PTPRM: variants seen among roughly 807,000 people sequenced by gnomAD.
The protein encoded by PTPRM is receptor-type tyrosine-protein phosphatase mu.
PTPRM carries 47 observed loss-of-function variants against 186.7 expected under a neutral mutation model. That is an observed-to-expected ratio of 0.25 (90% confidence interval 0.20 to 0.32). The LOEUF is 0.32. Among genes scored for constraint, PTPRM ranks in the 10% least tolerant of loss-of-function variants. The pLI, the probability that PTPRM is intolerant of heterozygous loss-of-function variation, is 1.00. For missense variants in PTPRM, 1,494 were observed against 1,865.0 expected (o/e 0.80, Z 3.66); for synonymous variants, 668 against 674.9 (o/e 0.99, Z 0.16).
chr18:7,888,008 G>C, intron 2 of PTPRM, 98 bp from the exon 3 acceptor site: 3 of 1,412,932 alleles, frequency 2.1e-6, no homozygotes, highest in Non-Finnish European at 3.0e-6. Context: ...GTAAGACATG[G>C]AATTGCAGTG....
At chr18:7,966,140 C>T (rs2054032290) in intron 7 of PTPRM, among the ~76,000 whole-genome samples, 1 of 151,946 alleles carries the variant, frequency 6.6e-6, no homozygotes, top group Non-Finnish European at 1.5e-5. Flanking sequence ...GAATAAACTG[C>T]AAGTGAATAG....
At chr18:7,736,945 C>A (rs993438169) in intron 1 of PTPRM, among the ~76,000 whole-genome samples, 5 of 152,042 alleles carry the variant, frequency 3.3e-5, no homozygotes, top group African/African-American at 1.2e-4. Flanking sequence ...TTCAGGATTA[C>A]AGGCTTGTGT....
rs1057420097 is a variant in PTPRM at position 8,312,262 on chromosome 18, A to G, written c.2843-2519A>G. ...GGCTCTCCTAAGATACACAAAAGCC[A>G]TAACAATCTACACATGTCCAGTGCA... is the stretch of plus-strand genomic sequence containing the variant. On this transcript the variant is annotated intron_variant, in intron 20 of 32. Transcript: ENST00000580170. Among the ~76,000 whole-genome samples the G allele has an allele frequency of 7.2e-5, 11 of 152,284 alleles. No homozygotes were observed. In the South Asian group the frequency reaches 1.9e-3, roughly 26 times the overall value.
chr18:7,652,897 G>A (rs2038751427), intron 1 of PTPRM, among the ~76,000 whole-genome samples: 1 of 151,654 alleles, frequency 6.6e-6, no homozygotes, highest in Non-Finnish European at 1.5e-5. Flanking sequence ...AAAACTTAAA[G>A]TATACTACTA....
intron 19 of PTPRM, among the ~76,000 whole-genome samples, chr18:8,255,571 A>G (rs1351342511): frequency 1.3e-5 from 2 of 152,230 alleles, no homozygotes; most frequent in Non-Finnish European, 2.9e-5. Flanking sequence ...TTCCGTGGTC[A>G]GAGAGGACTG....
chr18:7,861,671 G>T (rs932213951), intron 2 of PTPRM, among the ~76,000 whole-genome samples: 1 of 151,920 alleles, frequency 6.6e-6, no homozygotes, highest in African/African-American at 2.4e-5. Flanking sequence ...GGCACAACTC[G>T]GCACACAGGT....
intron 1 of PTPRM, among the ~76,000 whole-genome samples, chr18:7,743,687 C>A (rs571084599): frequency 1.3e-5 from 2 of 151,976 alleles, no homozygotes; most frequent in Non-Finnish European, 2.9e-5. Flanking sequence ...CTTGAATATT[C>A]GGGACATAAA....
intron 23 of PTPRM, among the ~76,000 whole-genome samples, chr18:8,355,039 G>A (rs1332585145): frequency 6.6e-6 from 1 of 152,154 alleles, no homozygotes; most frequent in Non-Finnish European, 1.5e-5. Context: ...AGTGACAGAG[G>A]AAAATCACAG....
At chr18:8,008,512 C>G (rs1052489465) in intron 7 of PTPRM, among the ~76,000 whole-genome samples, 1 of 152,106 alleles carries the variant, frequency 6.6e-6, no homozygotes, top group Admixed American at 6.6e-5. Context: ...CCCATCCTAG[C>G]TCTTGAATGC....
At chr18:7,676,767 A>C (rs188546441) in intron 1 of PTPRM, among the ~76,000 whole-genome samples, 2 of 152,310 alleles carry the variant, frequency 1.3e-5, no homozygotes, top group African/African-American at 4.8e-5. Flanking sequence ...TCTTACTGAC[A>C]AATGTTTTAC....
chr18:7,796,503 G>A (rs1359700722), intron 2 of PTPRM, among the ~76,000 whole-genome samples: 1 of 152,220 alleles, frequency 6.6e-6, no homozygotes, highest in Admixed American at 6.5e-5. Context: ...CAGCGTGAGA[G>A]CTCACCTCAC....
chr18:8,233,931 C>T (rs753307792), intron 14 of PTPRM, among the ~76,000 whole-genome samples: 1 of 152,050 alleles, frequency 6.6e-6, no homozygotes, highest in Non-Finnish European at 1.5e-5. Context: ...GCCAGTTGAT[C>T]GTATTTATGT....
chr18:8,249,955 G>C (rs1250700219), intron 17 of PTPRM, among the ~76,000 whole-genome samples: 3 of 146,106 alleles, frequency 2.1e-5, no homozygotes. Flanking sequence ...GTGCAAATGT[G>C]AATCTATGTA....
chr18:8,106,431 T>A (rs1009971483), intron 11 of PTPRM, among the ~76,000 whole-genome samples: 9 of 152,148 alleles, frequency 5.9e-5, no homozygotes, highest in African/African-American at 2.2e-4. Context: ...TTGGTTCAGG[T>A]CAGATGCCCT....
At chr18:8,262,580 C>A (rs1476777210) in intron 19 of PTPRM, among the ~76,000 whole-genome samples, 2 of 152,186 alleles carry the variant, frequency 1.3e-5, no homozygotes, top group Non-Finnish European at 2.9e-5. Flanking sequence ...CCTTCACTTG[C>A]CAAATCCCTT....
intron 19 of PTPRM, among the ~76,000 whole-genome samples, chr18:8,257,718 A>G (rs1362137514): frequency 6.6e-6 from 1 of 152,232 alleles, no homozygotes. Context: ...TAATCATCCC[A>G]TCGGCCTTTC....
At chr18:7,902,379 C>T (rs972679429) in intron 3 of PTPRM, among the ~76,000 whole-genome samples, 2 of 152,142 alleles carry the variant, frequency 1.3e-5, no homozygotes, top group Non-Finnish European at 1.5e-5. Flanking sequence ...CTGAGACTCT[C>T]TTTGCCTCTA....
intron 1 of PTPRM, chr18:7,754,718 A>G (rs2041388702): frequency 6.6e-6 from 1 of 152,282 alleles, no homozygotes. Flanking sequence ...AGGAGTGGAC[A>G]GTGATGTTTG....
At chr18:7,694,710 A>G (rs942762830) in intron 1 of PTPRM, among the ~76,000 whole-genome samples, 14 of 152,176 alleles carry the variant, frequency 9.2e-5, no homozygotes, top group African/African-American at 3.1e-4. Flanking sequence ...TACAGGCATG[A>G]GCCGCCGTGC....
Sources: allele counts gnomAD v4.1 joint callset (sites outside exome capture counted in the v4.1 genomes callset), GRCh38; gene constraint gnomAD v4.1.1; transcripts MANE v1.5; gene names NCBI Gene and HGNC (gene_info 2026-07-23, HGNC 2026-07-21).